Variants in RANBP2 observed in about 807,000 individuals in gnomAD.
RANBP2 encodes the protein RAN binding protein 2, also known as E3 SUMO-protein ligase RanBP2.
RANBP2 carries 57 observed loss-of-function variants against 303.6 expected under a neutral mutation model. The observed-to-expected ratio is 0.19, with a 90% CI of 0.15 to 0.23. The LOEUF is 0.23. Among genes scored for constraint, RANBP2 ranks in the 10% least tolerant of loss-of-function variants. RANBP2 has a pLI of 1.00. For missense variants in RANBP2, 3,138 were observed against 3,780.8 expected (o/e 0.83, Z 4.46); for synonymous variants, 1,167 against 1,301.5 (o/e 0.90, Z 2.23).
At chr2:108,983,376 G>A in the RANBP2 span, among the ~76,000 whole-genome samples, 1 of 152,100 alleles carries the variant, frequency 6.6e-6, no homozygotes, top group Admixed American at 6.6e-5. Context: ...TGGGGCCAGA[G>A]GTAATGTTTA....
At chr2:109,167,525 C>T in the RANBP2 span, among the ~76,000 whole-genome samples, 2 of 152,168 alleles carry the variant, frequency 1.3e-5, no homozygotes, top group African/African-American at 4.8e-5. Context: ...CAGTCATCCC[C>T]CATTGGTATT....
At chr2:109,372,612 T>C in the RANBP2 span, among the ~76,000 whole-genome samples, 3 of 152,228 alleles carry the variant, frequency 2.0e-5, no homozygotes, top group African/African-American at 7.2e-5. Context: ...AAAGGTAACG[T>C]AGCATTCTCA....
At chr2:108,968,170 A>T in the RANBP2 span, among the ~76,000 whole-genome samples, 1 of 152,142 alleles carries the variant, frequency 6.6e-6, no homozygotes, top group Non-Finnish European at 1.5e-5. Flanking sequence ...TTTAGTGGAA[A>T]CTGTCTCTTC....
Position 108,719,619 on chromosome 2 carries a change from A to G in RANBP2, c.13A>G (p.Lys5Glu). 6.2e-7 allele frequency: 1 copy of G among 1,606,678 alleles called. No homozygotes were observed. The highest frequency in any genetic ancestry group is 8.5e-7 in the Non-Finnish European group (1 of 1,177,802). The change falls in exon 1 of 29, where the codon AAG (lysine) becomes GAG (glutamate). Residue 5 changes from lysine to glutamate, a missense_variant. Lys to Glu is a moderately conservative substitution (Grantham distance 56). This residue lies in a region of RANBP2 where 306 missense variants were observed against 381.9 expected (regional missense o/e 0.80). Coordinates refer to ENST00000283195, the MANE Select transcript of RANBP2 (RefSeq NM_006267.5). The stretch of plus-strand genomic sequence containing the variant: ...GGTTGGCGGCGCGATGAGGCGCAGC[A>G]AGGCTGACGTGGAGCGGTACATCGC... MRRS[K>E]ADVERYIASV... is the part of the protein sequence containing the mutation.
the RANBP2 span, among the ~76,000 whole-genome samples, chr2:109,421,201 A>G: frequency 3.3e-5 from 5 of 152,230 alleles, no homozygotes; most frequent in Non-Finnish European, 5.9e-5. Flanking sequence ...ACAGTGGGAT[A>G]GCCCTGATGG....
At chr2:109,635,189 T>C in the RANBP2 span, among the ~76,000 whole-genome samples, 3 of 152,176 alleles carry the variant, frequency 2.0e-5, no homozygotes, top group Non-Finnish European at 1.5e-5. Flanking sequence ...TTTATATTTA[T>C]TTATTTATTT....
chr2:108,921,943 C>G, the RANBP2 span, among the ~76,000 whole-genome samples: 1 of 152,254 alleles, frequency 6.6e-6, no homozygotes. Context: ...TCGGAGCCGG[C>G]TTTCAGTAAA....
chr2:109,499,144 A>G, the RANBP2 span, among the ~76,000 whole-genome samples: 1 of 152,034 alleles, frequency 6.6e-6, no homozygotes, highest in Admixed American at 6.5e-5. Context: ...CGCCAGGACC[A>G]GGAGCCACCC....
chr2:109,021,020 G>C, the RANBP2 span, among the ~76,000 whole-genome samples: 2 of 152,268 alleles, frequency 1.3e-5, no homozygotes, highest in African/African-American at 4.8e-5. Context: ...TGGGCCACGG[G>C]GCTGCCTCTG....
the RANBP2 span, among the ~76,000 whole-genome samples, chr2:109,036,029 A>G: frequency 6.6e-6 from 1 of 152,242 alleles, no homozygotes; most frequent in Admixed American, 6.5e-5. Context: ...TCACAAATCC[A>G]ATAGCCACTG....
the RANBP2 span, among the ~76,000 whole-genome samples, chr2:109,006,388 G>A: frequency 6.6e-6 from 1 of 151,878 alleles, no homozygotes; most frequent in Non-Finnish European, 1.5e-5. Flanking sequence ...AGAGACGGGG[G>A]TTTCACTATG....
chr2:109,675,011 C>T, the RANBP2 span, among the ~76,000 whole-genome samples: 3 of 152,020 alleles, frequency 2.0e-5, no homozygotes, highest in Admixed American at 6.6e-5. Context: ...TCTCTGTCAC[C>T]GAGGCTGGAG....
At chr2:108,901,906 C>T in the RANBP2 span, among the ~76,000 whole-genome samples, 151 of 152,070 alleles carry the variant, frequency 9.9e-4, no homozygotes, top group African/African-American at 3.5e-3. Context: ...GAGTTCAAGA[C>T]CAGTCTGGCC....
the RANBP2 span, among the ~76,000 whole-genome samples, chr2:109,161,969 T>A: frequency 6.7e-3 from 1,012 of 151,948 alleles, 12 homozygotes; most frequent in African/African-American, 0.023. Flanking sequence ...ATCTTATATG[T>A]CGCAGGTGTC....
At chr2:109,472,702 A>G in the RANBP2 span, among the ~76,000 whole-genome samples, 1 of 152,230 alleles carries the variant, frequency 6.6e-6, no homozygotes, top group South Asian at 2.1e-4. Flanking sequence ...CATCCTTCAG[A>G]AGGAGGCCAG....
At chr2:108,923,974 GAC>G in the RANBP2 span, among the ~76,000 whole-genome samples, 1 of 152,256 alleles carries the variant, frequency 6.6e-6, no homozygotes, top group Non-Finnish European at 1.5e-5. Context: ...AGCTGCAGGA[GAC>G]AGACGGTTGT....
At chr2:109,214,388 A>G in the RANBP2 span, among the ~76,000 whole-genome samples, 1 of 151,810 alleles carries the variant, frequency 6.6e-6, no homozygotes, top group African/African-American at 2.4e-5. Context: ...TGTGCTGTGT[A>G]GAGAGTTCTT....
the RANBP2 span, among the ~76,000 whole-genome samples, chr2:109,596,337 C>T: frequency 6.6e-6 from 1 of 151,866 alleles, no homozygotes; most frequent in African/African-American, 2.4e-5. Flanking sequence ...GGCTTTAGGC[C>T]AGGCATGGTG....
At chr2:109,293,633 CATTT>C in the RANBP2 span, among the ~76,000 whole-genome samples, 2 of 152,260 alleles carry the variant, frequency 1.3e-5, no homozygotes, top group Non-Finnish European at 2.9e-5. Context: ...AAGACTCCTT[CATTT>C]GTCTTTGGGC....
Sources: allele counts gnomAD v4.1 joint callset (sites outside exome capture counted in the v4.1 genomes callset), GRCh38; gene constraint gnomAD v4.1.1; regional missense constraint gnomAD v4.1.1; transcripts MANE v1.5; gene names NCBI Gene and HGNC (gene_info 2026-07-23, HGNC 2026-07-21).